The following PCDHA10 variants were observed in gnomAD, a reference collection of about 807,000 sequenced individuals.
PCDHA10 encodes protocadherin alpha 10, also known as protocadherin alpha-10.
A neutral mutation model predicts 61.2 loss-of-function variants in PCDHA10; 45 were observed. The ratio of observed to expected loss-of-function variants is 0.74; its 90% CI spans 0.58 to 0.94. The LOEUF (loss-of-function observed/expected upper bound fraction) is 0.94. PCDHA10 is among the 40% of genes least tolerant of loss of function. PCDHA10 has a pLI of 0.00. For synonymous variants in PCDHA10, 602 were observed against 548.8 expected (o/e 1.10, Z -1.35); for missense variants, 1,278 against 1,236.2 (o/e 1.03, Z -0.51).
chr5:140,994,515 C>A (rs1450335712), intron 3 of PCDHA10, among the ~76,000 whole-genome samples: 1 of 150,238 alleles, frequency 6.7e-6, no homozygotes, highest in African/African-American at 2.5e-5. Context: ...ACAGCCTGGG[C>A]AACATGGCAA....
intron 1 of PCDHA10, among the ~76,000 whole-genome samples, chr5:140,952,848 T>A (rs10476804): frequency 0.013 from 2,044 of 152,238 alleles, 38 homozygotes; most frequent in African/African-American, 0.047. Context: ...CTGCTTGTCT[T>A]CTGGGGAGGC....
intron 1 of PCDHA10, chr5:140,876,926 A>C (rs782589579): frequency 6.2e-7 from 1 of 1,613,842 alleles, no homozygotes; most frequent in East Asian, 2.2e-5. Context: ...GCGGACGCGC[A>C]GAAGAACGCG....
At position 140,899,599 on chromosome 5, in the gene PCDHA10, C is replaced by T. The variant is rs535938234; in HGVS notation, c.2388+41163C>T. Among the ~76,000 whole-genome samples the T allele has an allele frequency of 8.0e-3, 1,213 of 152,222 alleles. 6 individuals carry two copies. Among genetic ancestry groups the T allele is most frequent in the African/African-American group, 0.019 (784 of 41,538 alleles). ...CGGTTTGCCAGTATTTTATTGAGGA[C>T]TTTTGCATCAATGTTCATCAAGGAT... On this transcript the variant is annotated intron_variant, in intron 1 of 3. Coordinates refer to ENST00000307360, the MANE Select transcript of PCDHA10 (RefSeq NM_018901.4).
intron 1 of PCDHA10, among the ~76,000 whole-genome samples, chr5:140,953,278 T>C (rs1227774652): frequency 6.6e-5 from 10 of 152,146 alleles, no homozygotes; most frequent in African/African-American, 2.4e-4. Flanking sequence ...CTTTGCTCTT[T>C]ATATGTGATT....
intron 1 of PCDHA10, among the ~76,000 whole-genome samples, chr5:140,885,639 A>C (rs782628776): frequency 6.6e-6 from 1 of 152,184 alleles, no homozygotes; most frequent in Non-Finnish European, 1.5e-5. Flanking sequence ...TTGCCTTCCA[A>C]GTATTTTGGA....
chr5:141,011,553 G>T lies in PCDHA10; in HGVS notation c.*1616G>T, dbSNP rs1191049531. The T allele has an allele frequency of 6.5e-6, 1 of 153,640 alleles. No homozygotes were observed. The highest frequency in any genetic ancestry group is 1.5e-5 in the Non-Finnish European group (1 of 68,008). The allele number at this position is 153,640 out of a possible 1,614,324, so 9.5% of individuals were successfully genotyped here. Reference sequence around the variant, plus strand: ...TGTTAATCAGCTTTTGTGTATGAAAGACACAGTAAAATTTCTTTCTTAAAT... The same window carrying T: ...TGTTAATCAGCTTTTGTGTATGAAATACACAGTAAAATTTCTTTCTTAAAT... On this transcript the variant is annotated 3_prime_UTR_variant, in exon 4 of 4. Transcript: ENST00000307360.
chr5:140,997,866 TG>T (rs1554256038), intron 3 of PCDHA10, among the ~76,000 whole-genome samples: 1 of 152,216 alleles, frequency 6.6e-6, no homozygotes, highest in African/African-American at 2.4e-5. Context: ...TTCTTATGCA[TG>T]CTTGCTAGTA....
At chr5:140,887,204 C>T (rs1438790748) in intron 1 of PCDHA10, among the ~76,000 whole-genome samples, 7 of 151,828 alleles carry the variant, frequency 4.6e-5, no homozygotes, top group African/African-American at 1.5e-4. Flanking sequence ...TCACGCCATT[C>T]TCCTGCCTCA....
chr5:140,920,692 A>T (rs552577858), intron 1 of PCDHA10, among the ~76,000 whole-genome samples: 7 of 152,114 alleles, frequency 4.6e-5, no homozygotes, highest in Non-Finnish European at 7.4e-5. Flanking sequence ...AAAAATACAA[A>T]CATTAGCTTG....
chr5:140,946,631 T>TAC (rs374022482), intron 1 of PCDHA10, among the ~76,000 whole-genome samples: 8 of 131,856 alleles, frequency 6.1e-5, no homozygotes, highest in African/African-American at 1.7e-4. Context: ...TATATATATA[T>TAC]ACAATGGAAT....
intron 1 of PCDHA10, among the ~76,000 whole-genome samples, chr5:140,871,905 G>A (rs1457249186): frequency 6.6e-6 from 1 of 152,124 alleles, no homozygotes; most frequent in Non-Finnish European, 1.5e-5. Flanking sequence ...GCAGAGTTTT[G>A]CCTTGATATT....
At chr5:140,966,851 C>T (rs782524148) in intron 1 of PCDHA10, 15 of 1,573,232 alleles carry the variant, frequency 9.5e-6, no homozygotes, top group Middle Eastern at 1.7e-4. Context: ...ACTGCCTCTC[C>T]TGCTGCTGTT....
intron 1 of PCDHA10, among the ~76,000 whole-genome samples, chr5:140,898,068 C>A (rs1420706890): frequency 8.5e-5 from 13 of 152,050 alleles, no homozygotes; most frequent in African/African-American, 2.7e-4. Context: ...TGTTTGAGTT[C>A]ATTGTAGATT....
intron 3 of PCDHA10, among the ~76,000 whole-genome samples, chr5:140,998,883 GAATA>G (rs782239555): frequency 6.6e-5 from 10 of 152,274 alleles, no homozygotes; most frequent in East Asian, 1.9e-4. Flanking sequence ...AAGTTTAGTT[GAATA>G]AATAACAATG....
At chr5:140,881,993 A>C in intron 1 of PCDHA10, 1 of 454,088 alleles carries the variant, frequency 2.2e-6, no homozygotes, top group Non-Finnish European at 3.7e-6. Flanking sequence ...AATGTCAGGA[A>C]ATGCAAGGGG....
At chr5:140,931,008 A>G (rs1554208204) in intron 1 of PCDHA10, among the ~76,000 whole-genome samples, 2 of 152,224 alleles carry the variant, frequency 1.3e-5, no homozygotes, top group African/African-American at 2.4e-5. Flanking sequence ...ATAACATAAC[A>G]GAGGAATTTT....
In PCDHA10 at chr5:141,009,726, C is replaced by A. The variant is rs373683237; in HGVS notation, c.2636C>A (p.Pro879His). Residue 879 changes from proline to histidine, a missense_variant, in exon 4 of 4, where the codon CCC (proline) becomes CAC (histidine). By Grantham distance (77) the Pro-to-His change is moderately conservative (BLOSUM62 -2). Coordinates refer to ENST00000307360, the MANE Select transcript of PCDHA10 (RefSeq NM_018901.4). ...YGPGNPKQSGPGELPDKFIIP... is the reference protein window; with the variant it reads ...YGPGNPKQSGHGELPDKFIIP... The stretch of plus-strand genomic sequence containing the variant: ...CCAGGCAACCCCAAACAATCCGGTC[C>A]CGGTGAGTTGCCCGACAAATTCATT... 85 of 1,614,016 alleles carry A rather than the reference C, an allele frequency of 5.3e-5. No individual in the cohort carries two copies. Among genetic ancestry groups the A allele is most frequent in the Non-Finnish European group, 4.4e-5 (52 of 1,180,032 alleles).
chr5:141,000,421 A>T (rs4912737), intron 3 of PCDHA10, among the ~76,000 whole-genome samples: 2,503 of 28,048 alleles, frequency 0.089, 337 homozygotes, highest in East Asian at 0.098. Flanking sequence ...ATATATATAT[A>T]TTTTTTTTTT....
chr5:140,926,985 G>A, intron 1 of PCDHA10: 1 of 1,611,068 alleles, frequency 6.2e-7, no homozygotes, highest in Non-Finnish European at 8.5e-7. Flanking sequence ...AGGAGACGGA[G>A]CGGGGCGTAG....
Sources: gnomAD v4.1 joint callset for allele counts (sites outside exome capture counted in the v4.1 genomes callset) on GRCh38, gnomAD v4.1.1 for gene constraint, MANE v1.5 for transcripts, NCBI Gene and HGNC (gene_info 2026-07-23, HGNC 2026-07-21) for gene names.